Variants in PRKDC observed in about 807,000 individuals in gnomAD.
PRKDC encodes the protein DNA-dependent protein kinase catalytic subunit.
A neutral mutation model predicts 486.9 loss-of-function variants in PRKDC; 82 were observed. The observed-to-expected ratio is 0.17, with a 90% CI of 0.14 to 0.20. PRKDC has a LOEUF of 0.20. PRKDC is among the 10% of genes least tolerant of loss of function. PRKDC has a pLI of 1.00. For missense variants in PRKDC, 4,504 were observed against 5,038.2 expected, an observed-to-expected ratio of 0.89 and a Z score of 3.21; for synonymous variants, 1,895 against 1,837.0, an observed-to-expected ratio of 1.03 and a Z score of -0.81.
At position 47,881,477 on chromosome 8, in the gene PRKDC, G is replaced by A; in HGVS notation, c.5006C>T (p.Pro1669Leu). The change falls in exon 38 of 86, where the codon CCT (proline) becomes CTT (leucine). Residue 1669 changes from proline to leucine, a missense_variant. This residue lies in a region of PRKDC where 1,969 missense variants were observed against 2,068.9 expected (regional missense o/e 0.95). Transcript: ENST00000314191. ...ACTAATATATGTTGTAAAGACTTCA[G>A]GGAATGAACCATGACTTGTATTAAA... ...VSFNTSHGSF[P>L]EVFTTYISLL... 6.3e-7 allele frequency: 1 copy of A among 1,577,170 alleles called. No homozygotes were observed. The highest frequency in any genetic ancestry group is 8.7e-7 in the Non-Finnish European group (1 of 1,151,492).
chr8:47,793,626 CA>C (rs1242428599), intron 74 of PRKDC, among the ~76,000 whole-genome samples: 78 of 59,912 alleles, frequency 1.3e-3, no homozygotes, highest in Admixed American at 4.8e-3. Flanking sequence ...TACTCTGTCT[CA>C]AAAAAAAAAT....
chr8:47,870,374 G>C (rs938416738), intron 40 of PRKDC, among the ~76,000 whole-genome samples: 1 of 152,198 alleles, frequency 6.6e-6, no homozygotes, highest in Admixed American at 6.5e-5. Flanking sequence ...AGAAAAGTAA[G>C]TAAAGGAAAC....
At chr8:47,872,501 TA>T (rs748681244) in intron 40 of PRKDC, among the ~76,000 whole-genome samples, 2,346 of 74,114 alleles carry the variant, frequency 0.032, 52 homozygotes, top group African/African-American at 0.074. Context: ...TATAAAAAAG[TA>T]AAAAAAAAAA....
At chr8:47,848,723 A>G (rs1334131567) in intron 54 of PRKDC, among the ~76,000 whole-genome samples, 1 of 152,140 alleles carries the variant, frequency 6.6e-6, no homozygotes, top group East Asian at 1.9e-4. Context: ...GGGAAATAAT[A>G]TAATGTAAGT....
In PRKDC at chr8:47,954,376, T is replaced by C. The variant is rs968281621; in HGVS notation, c.470A>G (p.Tyr157Cys). The change falls in exon 5 of 86, where the codon TAT becomes TGT. Residue 157 changes from tyrosine to cysteine, a missense_variant. Coordinates refer to ENST00000314191, the MANE Select transcript of PRKDC (RefSeq NM_006904.7). ...FKIGELFSKFYGELALKKKIP... is the reference protein window; with the variant it reads ...FKIGELFSKFCGELALKKKIP... ...TTTTTTTTTCAATGCAAGTTCTCCATAGAATTTACTAAATAATTCTCCAAT... is the reference window on the plus strand; with the variant it reads ...TTTTTTTTTCAATGCAAGTTCTCCACAGAATTTACTAAATAATTCTCCAAT... 7.3e-7 allele frequency: 1 copy of C among 1,373,654 alleles called. No individual in the cohort carries two copies. Among genetic ancestry groups the C allele is most frequent in the Non-Finnish European group, 9.9e-7 (1 of 1,010,494 alleles). The allele number at this position is 1,373,654 out of a possible 1,614,324, so 85.1% of individuals were successfully genotyped here. A position where few individuals can be genotyped will look rare whatever the true frequency, so the allele number is the denominator to read the frequency against.
intron 49 of PRKDC, among the ~76,000 whole-genome samples, 156 bp from the exon 50 acceptor site, chr8:47,855,529 G>A (rs1318445618): frequency 6.6e-6 from 1 of 152,202 alleles, no homozygotes; most frequent in Non-Finnish European, 1.5e-5. Context: ...AACAACAAAG[G>A]CTGACCTGGC....
intron 52 of PRKDC, among the ~76,000 whole-genome samples, chr8:47,850,387 G>A (rs982409006): frequency 6.6e-6 from 1 of 152,142 alleles, no homozygotes; most frequent in African/African-American, 2.4e-5. Context: ...TCAACAAAAC[G>A]TTCACTGGAG....
At chr8:47,950,324 C>T (rs528453747) in intron 7 of PRKDC, among the ~76,000 whole-genome samples, 1 of 149,924 alleles carries the variant, frequency 6.7e-6, no homozygotes, top group African/African-American at 2.5e-5. Context: ...TTTCCCTCCC[C>T]TTAAGATTAT....
In PRKDC at chr8:47,807,277, C is replaced by G; in HGVS notation, c.9607G>C (p.Asp3203His). 1 of 1,609,574 alleles carries G rather than the reference C, an allele frequency of 6.2e-7. No individual in the cohort carries two copies. The highest frequency in any genetic ancestry group is 2.2e-5 in the East Asian group (1 of 44,720). ...IEEKLTPLPE[D>H]NSMNVDQDGD... ...TCTTGATCCACATTCATACTATTAT[C>G]TTCTGGAAGAGGGGTAAGCTTCTCC... is the stretch of plus-strand genomic sequence containing the variant. Residue 3203 changes from aspartate to histidine, a missense_variant, in exon 69 of 86, where the codon GAT becomes CAT. Around this residue, in one of 6 missense-constraint regions of PRKDC, gnomAD observed 1,592 missense variants for 1,724.6 expected, o/e 0.92. Transcript: ENST00000314191.
intron 64 of PRKDC, 141 bp downstream of exon 64, chr8:47,823,717 A>G: frequency 2.0e-6 from 2 of 983,370 alleles, no homozygotes; most frequent in South Asian, 3.4e-5. Context: ...AAGGAAACCA[A>G]TTTTCTTCCT....
intron 28 of PRKDC, among the ~76,000 whole-genome samples, chr8:47,898,974 A>C (rs190126568): frequency 3.3e-5 from 5 of 152,364 alleles, no homozygotes; most frequent in Admixed American, 6.5e-5. Flanking sequence ...CAATGTGGCT[A>C]TTTTAAAGGG....
In PRKDC at chr8:47,888,545, C is replaced by T. The variant is rs759726544; in HGVS notation, c.4386G>A (p.Gly1462=). ...VSACKQLHRA[G]LLHNILPSQS... The stretch of plus-strand genomic sequence containing the variant: ...GAGACGGTAATATATTATGCAGAAG[C>T]CCAGCTCTGTGAAGCTGTTTACAGG... The change falls in exon 34 of 86, where the codon GGG becomes GGA. Residue 1462 remains glycine (G), a synonymous_variant. Transcript: ENST00000314191. The T allele has an allele frequency of 1.5e-5, 24 of 1,575,702 alleles. No individual in the cohort carries two copies. The highest frequency in any genetic ancestry group is 1.7e-4 in the Middle Eastern group (1 of 6,030).
At chr8:47,941,057 G>A (rs567304000) in intron 10 of PRKDC, among the ~76,000 whole-genome samples, 1 of 151,526 alleles carries the variant, frequency 6.6e-6, no homozygotes, top group East Asian at 1.9e-4. Flanking sequence ...TTAAACGCAG[G>A]AGGCAGAGGT....
chr8:47,917,316 A>G (rs560342785), intron 22 of PRKDC, among the ~76,000 whole-genome samples: 20 of 152,266 alleles, frequency 1.3e-4, no homozygotes, highest in African/African-American at 4.8e-4. Flanking sequence ...AGATATATTT[A>G]TTTTATCCTG....
chr8:47,853,411 G>C (rs1308575601), intron 51 of PRKDC, among the ~76,000 whole-genome samples: 2 of 152,236 alleles, frequency 1.3e-5, no homozygotes, highest in East Asian at 1.9e-4. Context: ...CAAACAGAGA[G>C]AGTGATTGGG....
At chr8:47,931,541 C>G (rs867963062) in intron 16 of PRKDC, among the ~76,000 whole-genome samples, 8 of 151,784 alleles carry the variant, frequency 5.3e-5, no homozygotes, top group Non-Finnish European at 7.4e-5. Context: ...TTGCAAAGCA[C>G]AGAGAGCAAT....
At chr8:47,821,851 C>A in intron 64 of PRKDC, 59 bp from the exon 65 acceptor site, 1 of 1,377,272 alleles carries the variant, frequency 7.3e-7, no homozygotes, top group East Asian at 2.6e-5. Flanking sequence ...CCAATGAGAA[C>A]ACGTAAAAAG....
intron 74 of PRKDC, among the ~76,000 whole-genome samples, chr8:47,792,462 A>C (rs956070378): frequency 3.3e-5 from 5 of 151,958 alleles, no homozygotes; most frequent in African/African-American, 9.7e-5. Context: ...GTTTCACCGC[A>C]TTAGCCAGGA....
chr8:47,882,981 A>C, intron 36 of PRKDC, among the ~76,000 whole-genome samples: 1 of 152,214 alleles, frequency 6.6e-6, no homozygotes, highest in East Asian at 1.9e-4. Context: ...TTGATCTGCA[A>C]TGCTGGTGCT....
Sources: gnomAD v4.1 joint callset for allele counts (sites outside exome capture counted in the v4.1 genomes callset) on GRCh38, gnomAD v4.1.1 for gene constraint, gnomAD v4.1.1 regional missense constraint, MANE v1.5 for transcripts, NCBI Gene and HGNC (gene_info 2026-07-23, HGNC 2026-07-21) for gene names.